The following LAMA1 variants were observed in gnomAD, a reference collection of about 807,000 sequenced individuals.
LAMA1 encodes laminin subunit alpha 1.
A neutral mutation model predicts 348.7 loss-of-function variants in LAMA1; 219 were observed. The observed-to-expected ratio is 0.63, with a 90% CI of 0.56 to 0.70. The LOEUF is 0.70. Ranked by LOEUF, LAMA1 falls within the 30% of genes least tolerant of loss-of-function variation. The pLI is 0.00. For missense variants in LAMA1, 3,744 were observed against 3,888.0 expected, an observed-to-expected ratio of 0.96 and a Z score of 0.99; for synonymous variants, 1,487 against 1,491.0, an observed-to-expected ratio of 1.00 and a Z score of 0.06.
In LAMA1 at chr18:7,106,362, ATT is replaced by A. The variant is rs397690964; in HGVS notation, c.61+11296_61+11297del. 2.0e-3 allele frequency among the ~76,000 whole-genome samples: 273 copies of A among 139,784 alleles called. 1 individual carries two copies. The highest frequency in any genetic ancestry group is 6.2e-3 in the African/African-American group (238 of 38,214). 91.7% of individuals were successfully genotyped at this position (139,784 alleles called of 152,430 possible). ...TGCACAGTGGAATCACCTGGGAAGC[ATT>A]TTTTTTTTTTTTTTGAGACAGAGTC... is the stretch of plus-strand genomic sequence containing the variant. On this transcript the variant is annotated intron_variant, in intron 1 of 62. Coordinates refer to ENST00000389658, the MANE Select transcript of LAMA1 (RefSeq NM_005559.4).
rs188548489 is a variant in LAMA1, at chr18:7,062,784, C to A, written c.346-11848G>T. Reference sequence around the variant, plus strand: ...TGGCCCCAAAGCCCACACTTCCCCGCTCTTGCCTCAGTCCCAGAGAATATC... The same window carrying A: ...TGGCCCCAAAGCCCACACTTCCCCGATCTTGCCTCAGTCCCAGAGAATATC... On this transcript the variant is annotated intron_variant, in intron 3 of 62. Transcript: ENST00000389658. 4.7e-3 allele frequency among the ~76,000 whole-genome samples: 714 copies of A among 152,296 alleles called. 5 individuals carry two copies. The highest frequency in any genetic ancestry group is 0.016 in the African/African-American group (660 of 41,562).
rs2143741805 is a variant in LAMA1, at chr18:7,058,396, A to T, written c.346-7460T>A. 1.3e-5 allele frequency among the ~76,000 whole-genome samples: 2 copies of T among 152,286 alleles called. 1 individual carries two copies. Among genetic ancestry groups the T allele is most frequent in the South Asian group, 4.1e-4 (2 of 4,830 alleles). ...AGAGTGGTAAGTCTGATAAACAGGC[A>T]AAGGGTGCTATGAAGAACCTAAATA... On this transcript the variant is annotated intron_variant, in intron 3 of 62. Coordinates refer to ENST00000389658, the MANE Select transcript of LAMA1 (RefSeq NM_005559.4).
At chr18:7,062,778 TC>T in intron 3 of LAMA1, among the ~76,000 whole-genome samples, 1 of 152,146 alleles carries the variant, frequency 6.6e-6, no homozygotes, top group East Asian at 1.9e-4. Context: ...AGCCCACACT[TC>T]CCCGCTCTTG....
chr18:7,107,235 C>T (rs1220726549), intron 1 of LAMA1, among the ~76,000 whole-genome samples: 1 of 151,768 alleles, frequency 6.6e-6, no homozygotes, highest in Non-Finnish European at 1.5e-5. Flanking sequence ...TCTCCTGCCT[C>T]TGCCTCCTGA....
At chr18:7,043,474 T>C in intron 7 of LAMA1, 69 bp from the exon 8 acceptor site, 1 of 1,251,410 alleles carries the variant, frequency 8.0e-7, no homozygotes. Flanking sequence ...ACTCTTAACC[T>C]CCCTAAGTAA....
intron 1 of LAMA1, among the ~76,000 whole-genome samples, chr18:7,090,169 A>T (rs1198685618): frequency 6.6e-6 from 1 of 152,186 alleles, no homozygotes; most frequent in Non-Finnish European, 1.5e-5. Context: ...GTTTCCAGTT[A>T]TTTGTTATAA....
Position 6,943,312 on chromosome 18 carries a change from T to C in LAMA1, c.8935A>G (p.Thr2979Ala), listed in dbSNP as rs1328250734. 3 of 1,614,092 alleles carry C rather than the reference T, an allele frequency of 1.9e-6. No individual in the cohort carries two copies. The highest frequency in any genetic ancestry group is 1.3e-5 in the African/African-American group (1 of 75,002). Reference sequence around the variant, plus strand: ...TGTTTGCTTTTGTTAGCTTGAAGAGTGTGCCATTTTCCATCACAGAGCACA... The same window carrying C: ...TGTTTGCTTTTGTTAGCTTGAAGAGCGTGCCATTTTCCATCACAGAGCACA... ...ATVLCDGKWH[T>A]LQANKSKHRI... Residue 2979 changes from threonine to alanine, a missense_variant, in exon 62 of 63, where the codon ACT (threonine) becomes GCT (alanine). Physicochemically the swap from Thr to Ala is moderately conservative, Grantham distance 58. Around this residue, in one of 3 missense-constraint regions of LAMA1, gnomAD observed 232 missense variants for 264.4 expected, o/e 0.88. Transcript: ENST00000389658.
chr18:7,068,335 A>C (rs1287882829), intron 3 of LAMA1, among the ~76,000 whole-genome samples: 1 of 152,198 alleles, frequency 6.6e-6, no homozygotes, highest in Admixed American at 6.5e-5. Context: ...ACTGCTAATA[A>C]CCAACATACT....
At chr18:7,107,826 ACC>A (rs2058319308) in intron 1 of LAMA1, among the ~76,000 whole-genome samples, 2 of 151,358 alleles carry the variant, frequency 1.3e-5, no homozygotes, top group African/African-American at 4.9e-5. Context: ...CGTCCTGGCT[ACC>A]ATGGTGAAAC....
At position 7,016,551 on chromosome 18, in the gene LAMA1, C is replaced by T. The variant is rs148515510; in HGVS notation, c.2929G>A (p.Gly977Arg). The change falls in exon 21 of 63, where the codon GGG becomes AGG. Residue 977 changes from glycine to arginine, a missense_variant. Around this residue, in one of 3 missense-constraint regions of LAMA1, gnomAD observed 1,529 missense variants for 1,689.4 expected, o/e 0.91. Transcript: ENST00000389658. ...TGGGCACACCTGTCACACCTTTTCC[C>T]TGCCACACCTGGGACACAGTGACAC... ...GQCHCVPGVA[G>R]KRCDRCAHGF... The T allele has an allele frequency of 6.2e-6, 10 of 1,614,080 alleles. No homozygotes were observed. Among genetic ancestry groups the T allele is most frequent in the African/African-American group, 1.3e-5 (1 of 74,938 alleles).
At chr18:6,972,251 A>G (rs1457526233) in intron 47 of LAMA1, 3 of 419,048 alleles carry the variant, frequency 7.2e-6, no homozygotes, top group Non-Finnish European at 1.3e-5. Context: ...GAGTGAGAAA[A>G]CAGAGAGCCA....
At chr18:7,030,881 T>A (rs1403545241) in intron 16 of LAMA1, among the ~76,000 whole-genome samples, 1 of 73,912 alleles carries the variant, frequency 1.4e-5, no homozygotes, top group South Asian at 5.0e-4. Flanking sequence ...CAAACCCAAA[T>A]GGCAAAGGAA....
At chr18:7,001,614 T>C (rs967705476) in intron 30 of LAMA1, among the ~76,000 whole-genome samples, 4 of 152,194 alleles carry the variant, frequency 2.6e-5, no homozygotes, top group African/African-American at 9.7e-5. Flanking sequence ...CATTGCAGTA[T>C]ACCAAGAGTT....
At position 6,986,228 on chromosome 18, in the gene LAMA1, G is replaced by A. The variant is rs12607841; in HGVS notation, c.5288C>T (p.Ala1763Val). 235,271 of 1,613,994 alleles carry A rather than the reference G, an allele frequency of 0.15. 17,645 individuals are homozygous for A. The highest frequency in any genetic ancestry group is 0.16 in the South Asian group (14,157 of 91,078). ...VLSKHNNELK[A>V]AEALVREAEA... ...AGCTTCCCTCACGAGCGCCTCAGCC[G>A]CCTTTAGTTCATTGTTGTGCTTTGA... is the stretch of plus-strand genomic sequence containing the variant. Residue 1763 changes from alanine to valine, a missense_variant, in exon 37 of 63, where the codon GCG (alanine) becomes GTG (valine). Coordinates refer to ENST00000389658, the MANE Select transcript of LAMA1 (RefSeq NM_005559.4).
At chr18:6,974,455 CTTT>C (rs1213269695) in intron 46 of LAMA1, among the ~76,000 whole-genome samples, 2 of 128,288 alleles carry the variant, frequency 1.6e-5, no homozygotes, top group Admixed American at 1.6e-4. Flanking sequence ...TATTTCTTTT[CTTT>C]TTTTTTTTTT....
chr18:7,070,035 G>C (rs2143762965), intron 3 of LAMA1, among the ~76,000 whole-genome samples: 1 of 152,286 alleles, frequency 6.6e-6, no homozygotes, highest in Non-Finnish European at 1.5e-5. Flanking sequence ...ACGAGATAAT[G>C]AAAATGTGAA....
At chr18:7,009,450 A>T in intron 26 of LAMA1, 84 bp from the exon 27 acceptor site, 1 of 1,459,266 alleles carries the variant, frequency 6.9e-7, no homozygotes, top group Non-Finnish European at 9.4e-7. Flanking sequence ...ATTCTTTTAT[A>T]AATTTCTCCA....
At chr18:7,011,173 C>T (rs2057858012) in intron 25 of LAMA1, 127 bp downstream of exon 25, 2 of 1,040,818 alleles carry the variant, frequency 1.9e-6, no homozygotes, top group Middle Eastern at 3.0e-4. Flanking sequence ...TTCTCTGATC[C>T]CACTTAAAAG....
intron 16 of LAMA1, among the ~76,000 whole-genome samples, chr18:7,029,116 T>C (rs7237913): frequency 0.5 from 76,026 of 152,170 alleles, 22,082 homozygotes; most frequent in African/African-American, 0.81. Context: ...CAGGGTTTCA[T>C]CAGTTTTACT....
Sources: allele counts gnomAD v4.1 joint callset (sites outside exome capture counted in the v4.1 genomes callset), GRCh38; gene constraint gnomAD v4.1.1; regional missense constraint gnomAD v4.1.1; transcripts MANE v1.5; gene names NCBI Gene and HGNC (gene_info 2026-07-23, HGNC 2026-07-21).